The following ZNF423 variants were observed in gnomAD, a reference collection of about 807,000 sequenced individuals.
The protein encoded by ZNF423 is Ebf-associated zinc finger protein.
A neutral mutation model predicts 95.8 loss-of-function variants in ZNF423; 12 were observed. The ratio of observed to expected loss-of-function variants is 0.13; its 90% CI spans 0.08 to 0.20. The LOEUF is 0.20. Among genes scored for constraint, ZNF423 ranks in the 10% least tolerant of loss-of-function variants. The probability of loss-of-function intolerance (pLI) is 1.00; values close to 1 mark genes in which losing one functional copy is unlikely to be tolerated. For synonymous variants in ZNF423, 749 were observed against 711.9 expected, an observed-to-expected ratio of 1.05 and a Z score of -0.83; for missense variants, 1,316 against 1,737.1, an observed-to-expected ratio of 0.76 and a Z score of 4.31.
At chr16:49,752,801 G>A (rs1180783032) in intron 2 of ZNF423, among the ~76,000 whole-genome samples, 3 of 152,190 alleles carry the variant, frequency 2.0e-5, no homozygotes, top group South Asian at 4.1e-4. Context: ...CTCATTCAAG[G>A]TAACAGAGAG....
At chr16:49,639,925 G>T (rs779006144) in intron 3 of ZNF423, among the ~76,000 whole-genome samples, 10 of 152,192 alleles carry the variant, frequency 6.6e-5, no homozygotes, top group African/African-American at 2.2e-4. Flanking sequence ...GACATTCCCC[G>T]GCGGGGGCCG....
intron 7 of ZNF423, among the ~76,000 whole-genome samples, chr16:49,505,933 G>C (rs1004638021): frequency 6.6e-6 from 1 of 152,190 alleles, no homozygotes; most frequent in African/African-American, 2.4e-5. Flanking sequence ...AAGTGGGTCT[G>C]CCCTGTGCCC....
intron 5 of ZNF423, among the ~76,000 whole-genome samples, chr16:49,598,114 C>T (rs1368359494): frequency 6.7e-6 from 1 of 148,938 alleles, no homozygotes; most frequent in Non-Finnish European, 1.5e-5. Flanking sequence ...GAAACTGTTC[C>T]TCAACTTCTC....
chr16:49,798,325 T>C (rs1016076424), intron 1 of ZNF423, among the ~76,000 whole-genome samples: 1 of 152,098 alleles, frequency 6.6e-6, no homozygotes, highest in Non-Finnish European at 1.5e-5. Flanking sequence ...CTGGCCAACA[T>C]AATGAAACCC....
intron 1 of ZNF423, among the ~76,000 whole-genome samples, chr16:49,853,509 G>A (rs560679626): frequency 6.6e-6 from 1 of 152,232 alleles, no homozygotes; most frequent in Non-Finnish European, 1.5e-5. Flanking sequence ...GAAGAATCAG[G>A]GGGTCTCTGA....
At chr16:49,568,816 G>T (rs1158232070) in intron 5 of ZNF423, among the ~76,000 whole-genome samples, 4 of 152,112 alleles carry the variant, frequency 2.6e-5, no homozygotes, top group Admixed American at 2.6e-4. Context: ...ACTGTTGGCT[G>T]CAGGCCTCTT....
chr16:49,843,718 G>T lies in ZNF423; in HGVS notation c.40+12017C>A, dbSNP rs1455330651. On this transcript the variant is annotated intron_variant, in intron 1 of 7. Coordinates refer to ENST00000563137, the MANE Select transcript of ZNF423 (RefSeq NM_001379286.1). Reference sequence around the variant, plus strand: ...GACTCAGACCTTCAGGGAGAATGGGGTCTTTCTTTTCTATTCTGAGTGATT... The same window carrying T: ...GACTCAGACCTTCAGGGAGAATGGGTTCTTTCTTTTCTATTCTGAGTGATT... 2.0e-5 allele frequency among the ~76,000 whole-genome samples: 3 copies of T among 152,108 alleles called. No individual in the cohort carries two copies. In the East Asian group the frequency reaches 5.8e-4, roughly 29 times the overall value.
chr16:49,571,198 C>T (rs1261524116), intron 5 of ZNF423, among the ~76,000 whole-genome samples: 1 of 152,084 alleles, frequency 6.6e-6, no homozygotes, highest in Non-Finnish European at 1.5e-5. Flanking sequence ...AAGCACCTAC[C>T]TTGTATCTTT....
At chr16:49,798,444 G>T (rs986853541) in intron 1 of ZNF423, among the ~76,000 whole-genome samples, 1 of 152,094 alleles carries the variant, frequency 6.6e-6, no homozygotes, top group African/African-American at 2.4e-5. Flanking sequence ...GGAGGCAGAG[G>T]TTGCAGTGAG....
At position 49,790,426 on chromosome 16, in the gene ZNF423, A is replaced by G. The variant is rs554950877; in HGVS notation, c.41-880T>C. 2.0e-5 allele frequency among the ~76,000 whole-genome samples: 3 copies of G among 152,322 alleles called. 1 individual carries two copies. Among genetic ancestry groups the G allele is most frequent in the Middle Eastern group, 6.8e-3 (2 of 294 alleles). On this transcript the variant is annotated intron_variant, in intron 1 of 7. Transcript: ENST00000563137. The stretch of plus-strand genomic sequence containing the variant: ...CCATCACTGGGTTTCGTCTTCCTCA[A>G]CGGACTCTCAGAGGGGTGTCTGAGG...
At chr16:49,659,519 G>C (rs2030085899) in intron 3 of ZNF423, among the ~76,000 whole-genome samples, 1 of 152,250 alleles carries the variant, frequency 6.6e-6, no homozygotes. Context: ...ACTTGCCCCA[G>C]GGCAGAGTCC....
At chr16:49,784,220 A>G (rs916010666) in intron 2 of ZNF423, among the ~76,000 whole-genome samples, 20 of 152,168 alleles carry the variant, frequency 1.3e-4, no homozygotes, top group African/African-American at 4.6e-4. Flanking sequence ...CCCAAAAGAA[A>G]TAAAAACAAG....
intron 2 of ZNF423, among the ~76,000 whole-genome samples, chr16:49,734,807 C>A (rs901870808): frequency 1.3e-5 from 2 of 152,222 alleles, no homozygotes; most frequent in Admixed American, 1.3e-4. Context: ...CACCTGCATC[C>A]TTTTGCCCAG....
intron 2 of ZNF423, among the ~76,000 whole-genome samples, chr16:49,737,921 A>C (rs2033326579): frequency 6.6e-6 from 1 of 152,190 alleles, no homozygotes; most frequent in Non-Finnish European, 1.5e-5. Flanking sequence ...AGCCCTGGGC[A>C]CACTGAAAAC....
chr16:49,616,413 G>C (rs758307754), intron 5 of ZNF423, among the ~76,000 whole-genome samples: 11 of 152,094 alleles, frequency 7.2e-5, no homozygotes, highest in Non-Finnish European at 1.3e-4. Flanking sequence ...GTATTTGATA[G>C]CACAACAGGG....
At chr16:49,594,534 G>C (rs761102494) in intron 5 of ZNF423, among the ~76,000 whole-genome samples, 26 of 152,014 alleles carry the variant, frequency 1.7e-4, no homozygotes, top group Non-Finnish European at 3.8e-4. Flanking sequence ...CAGGAATATA[G>C]AGACATACAC....
At chr16:49,534,238 C>CT (rs1439987713) in intron 5 of ZNF423, among the ~76,000 whole-genome samples, 1 of 54,112 alleles carries the variant, frequency 1.8e-5, no homozygotes, top group Non-Finnish European at 3.2e-5. Context: ...ACTTCTCCTT[C>CT]TTTTTTTTTG....
intron 5 of ZNF423, among the ~76,000 whole-genome samples, chr16:49,600,783 A>G (rs886755777): frequency 6.6e-6 from 1 of 152,104 alleles, no homozygotes; most frequent in African/African-American, 2.4e-5. Context: ...CCCAGGCCGG[A>G]GTGAGTGCTC....
intron 7 of ZNF423, among the ~76,000 whole-genome samples, chr16:49,494,740 G>A (rs1042411520): frequency 2.6e-5 from 4 of 152,138 alleles, no homozygotes; most frequent in African/African-American, 9.7e-5. Flanking sequence ...CTTACCAGTC[G>A]CCCAACACCA....
Sources: allele counts gnomAD v4.1 joint callset (sites outside exome capture counted in the v4.1 genomes callset), GRCh38; gene constraint gnomAD v4.1.1; transcripts MANE v1.5; gene names NCBI Gene and HGNC (gene_info 2026-07-23, HGNC 2026-07-21).